Variants in ADH6 observed in about 807,000 individuals in gnomAD.
ADH6 encodes the protein alcohol dehydrogenase 6 (class V).
ADH6 carries 34 observed loss-of-function variants against 36.5 expected under a neutral mutation model. The observed-to-expected ratio is 0.93, with a 90% CI of 0.71 to 1.24. The LOEUF is 1.24. Ranked by LOEUF, ADH6 falls within the 50% of genes most tolerant of loss-of-function variation. ADH6 has a pLI of 0.00. For synonymous variants in ADH6, 161 were observed against 155.5 expected, an observed-to-expected ratio of 1.04 and a Z score of -0.26; for missense variants, 440 against 447.0, an observed-to-expected ratio of 0.98 and a Z score of 0.14.
At chr4:99,214,722 G>A (rs1731341824) in intron 2 of ADH6, among the ~76,000 whole-genome samples, 3 of 152,078 alleles carry the variant, frequency 2.0e-5, no homozygotes. Flanking sequence ...ACATTCACAT[G>A]CACATACTCC....
chr4:99,217,087 G>C (rs532073591), intron 1 of ADH6, among the ~76,000 whole-genome samples: 4 of 152,116 alleles, frequency 2.6e-5, no homozygotes, highest in Non-Finnish European at 5.9e-5. Flanking sequence ...CCAGGCTGGA[G>C]TGCAGTAGCA....
At chr4:99,217,238 G>T (rs921962999) in intron 1 of ADH6, among the ~76,000 whole-genome samples, 1 of 152,072 alleles carries the variant, frequency 6.6e-6, no homozygotes, top group South Asian at 2.1e-4. Context: ...GGGTTTCACT[G>T]TGTTAGCCAG....
At position 99,203,892 on chromosome 4, in the gene ADH6, T is replaced by C; in HGVS notation, c.*327A>G. ...GAGAGAGACATATAGTGTACAAGAA[T>C]ATAAAGGTCCACAGGTAGAGGAACT... On this transcript the variant is annotated 3_prime_UTR_variant, in exon 9 of 9. Coordinates refer to ENST00000394899, the MANE Select transcript of ADH6 (RefSeq NM_001102470.2). 3.7e-6 allele frequency: 1 copy of C among 270,782 alleles called. No individual in the cohort carries two copies. Among genetic ancestry groups the C allele is most frequent in the Non-Finnish European group, 6.9e-6 (1 of 145,742 alleles). The allele number at this position is 270,782 out of a possible 1,614,324, so 16.8% of individuals were successfully genotyped here.
chr4:99,213,528 T>A, intron 3 of ADH6, 78 bp downstream of exon 3: 3 of 1,337,064 alleles, frequency 2.2e-6, no homozygotes, highest in Non-Finnish European at 3.0e-6. Context: ...GATCCTGACA[T>A]ACTTAAGGGG....
In ADH6 at chr4:99,208,664, A is replaced by G; in HGVS notation, c.828+4T>C. ...GGTAATTTTCACTCCAGAGGATTAC[A>G]TACCAGAACGTCCAGATTTCCAATG... is the stretch of plus-strand genomic sequence containing the variant. On this transcript the variant is annotated splice_donor_region_variant and intron_variant, in intron 6 of 8. Transcript: ENST00000394899. The G allele has an allele frequency of 6.2e-7, 1 of 1,611,544 alleles. No homozygotes were observed. The highest frequency in any genetic ancestry group is 8.5e-7 in the Non-Finnish European group (1 of 1,178,710).
intron 1 of ADH6, 61 bp from the exon 2 acceptor site, chr4:99,216,323 G>A: frequency 2.9e-6 from 3 of 1,027,242 alleles, no homozygotes; most frequent in Non-Finnish European, 4.2e-6. Flanking sequence ...TTGGAAGATT[G>A]CTATATTAGT....
At chr4:99,209,691 C>A (rs1477720390) in intron 5 of ADH6, among the ~76,000 whole-genome samples, 1 of 152,050 alleles carries the variant, frequency 6.6e-6, no homozygotes, top group Non-Finnish European at 1.5e-5. Flanking sequence ...ATAATATTAG[C>A]TTCATGAGTT....
At chr4:99,218,711 C>A (rs1384946633) in intron 1 of ADH6, among the ~76,000 whole-genome samples, 1 of 152,206 alleles carries the variant, frequency 6.6e-6, no homozygotes, top group Non-Finnish European at 1.5e-5. Context: ...TTCTCCTTTA[C>A]CTGGTGAATT....
At position 99,213,460 on chromosome 4, in the gene ADH6, A is replaced by T; in HGVS notation, c.262+146T>A. 3 of 652,746 alleles carry T rather than the reference A, an allele frequency of 4.6e-6. No homozygotes were observed. The South Asian group carries it at 1.2e-4, about 26-fold the overall frequency. The allele number at this position is 652,746 out of a possible 1,614,324, so 40.4% of individuals were successfully genotyped here. A position where few individuals can be genotyped will look rare whatever the true frequency, so the allele number is the denominator to read the frequency against. ...ATATTTAGTATTTTATGTAACTTAC[A>T]AGTAATTTATCCCTACTTTTCTAAG... On this transcript the variant is annotated intron_variant, in intron 3 of 8. Coordinates refer to ENST00000394899, the MANE Select transcript of ADH6 (RefSeq NM_001102470.2).
At position 99,203,889 on chromosome 4, in the gene ADH6, G is replaced by A. The variant is rs748800245; in HGVS notation, c.*330C>T. Reference sequence around the variant, plus strand: ...TGTGAGAGAGACATATAGTGTACAAGAATATAAAGGTCCACAGGTAGAGGA... The same window carrying A: ...TGTGAGAGAGACATATAGTGTACAAAAATATAAAGGTCCACAGGTAGAGGA... On this transcript the variant is annotated 3_prime_UTR_variant, in exon 9 of 9. Coordinates refer to ENST00000394899, the MANE Select transcript of ADH6 (RefSeq NM_001102470.2). 2 of 260,174 alleles carry A rather than the reference G, an allele frequency of 7.7e-6. No homozygotes were observed. The highest frequency in any genetic ancestry group is 1.4e-5 in the Non-Finnish European group (2 of 139,178). The allele number at this position is 260,174 out of a possible 1,614,324, so 16.1% of individuals were successfully genotyped here.
At chr4:99,210,024 G>C in intron 5 of ADH6, 58 bp downstream of exon 5, 1 of 1,528,084 alleles carries the variant, frequency 6.5e-7, no homozygotes, top group Non-Finnish European at 9.0e-7. Context: ...AGATGCAAGA[G>C]GCCTTTCAAC....
chr4:99,216,273 G>C lies in ADH6; in HGVS notation c.19-11C>G, dbSNP rs1215818813. ...TTTGCATCTGATGACCTGGGAAATAGAATACAGGGGCAGAAAGAGAAGCTC... is the reference window on the plus strand; with the variant it reads ...TTTGCATCTGATGACCTGGGAAATACAATACAGGGGCAGAAAGAGAAGCTC... On this transcript the variant is annotated splice_polypyrimidine_tract_variant and intron_variant, in intron 1 of 8. Transcript: ENST00000394899. 6.6e-7 allele frequency: 1 copy of C among 1,526,180 alleles called. No homozygotes were observed. The highest frequency in any genetic ancestry group is 2.0e-5 in the Admixed American group (1 of 49,888). 94.5% of individuals were successfully genotyped at this position (1,526,180 alleles called of 1,614,324 possible).
In ADH6 at chr4:99,203,104, C is replaced by G. The variant is rs1730912373; in HGVS notation, c.*1115G>C. On this transcript the variant is annotated 3_prime_UTR_variant, in exon 9 of 9. Coordinates refer to ENST00000394899, the MANE Select transcript of ADH6 (RefSeq NM_001102470.2). Reference sequence around the variant, plus strand: ...TTTGTTTAGATCAAAAAATGATATTCCATTTTTTGGTCTCCCAAGGTCATC... The same window carrying G: ...TTTGTTTAGATCAAAAAATGATATTGCATTTTTTGGTCTCCCAAGGTCATC... 2 of 258,522 alleles carry G rather than the reference C, an allele frequency of 7.7e-6. No homozygotes were observed. Among genetic ancestry groups the G allele is most frequent in the Admixed American group, 5.4e-5 (1 of 18,560 alleles). 16.0% of individuals were successfully genotyped at this position (258,522 alleles called of 1,614,324 possible). A position where few individuals can be genotyped will look rare whatever the true frequency, so the allele number is the denominator to read the frequency against.
chr4:99,208,206 A>G (rs959060159), intron 6 of ADH6, among the ~76,000 whole-genome samples: 1 of 152,140 alleles, frequency 6.6e-6, no homozygotes, highest in Non-Finnish European at 1.5e-5. Context: ...CAAATCCCCA[A>G]AGAAAACAAG....
At chr4:99,206,350 T>C (rs1311353857) in intron 7 of ADH6, among the ~76,000 whole-genome samples, 1 of 152,118 alleles carries the variant, frequency 6.6e-6, no homozygotes, top group Non-Finnish European at 1.5e-5. Flanking sequence ...ATATGAGTGC[T>C]AGAGTGGCCA....
Position 99,208,705 on chromosome 4 carries a change from T to C in ADH6, c.791A>G (p.Asp264Gly). 6.2e-7 allele frequency: 1 copy of C among 1,613,802 alleles called. No individual in the cohort carries two copies. The highest frequency in any genetic ancestry group is 8.5e-7 in the Non-Finnish European group (1 of 1,179,764). The change falls in exon 6 of 9, where the codon GAC becomes GGC. Residue 264 changes from aspartate (D) to glycine (G), a missense_variant. Asp to Gly is a moderately conservative substitution (Grantham distance 94). Transcript: ENST00000394899. The stretch of plus-strand genomic sequence containing the variant: ...ATTTCCAATGGCCTCAAAGCAGAAG[T>C]CTATACCAGCATCTGTCATATCAAA... ...VLFDMTDAGI[D>G]FCFEAIGNLD...
chr4:99,204,322 T>G, intron 8 of ADH6, 79 bp from the exon 9 acceptor site: 6 of 1,568,050 alleles, frequency 3.8e-6, no homozygotes, highest in Non-Finnish European at 5.1e-6. Context: ...ATTCTCACTT[T>G]GTAGAGCAGT....
chr4:99,207,460 C>T lies in ADH6; in HGVS notation c.950G>A (p.Gly317Asp), dbSNP rs1731074257. The change falls in exon 7 of 9, where the codon GGT becomes GAT. Residue 317 changes from glycine to aspartate, a missense_variant. Coordinates refer to ENST00000394899, the MANE Select transcript of ADH6 (RefSeq NM_001102470.2). Reference protein sequence around the residue: ...QLFFSGRSLKGSVFGGWKSRQ... With the variant: ...QLFFSGRSLKDSVFGGWKSRQ... Reference sequence around the variant, plus strand: ...TTCATCCATACCTCCAAAAACAGAACCCTTCAAAGAACGTCCTGAGAAGAA... The same window carrying T: ...TTCATCCATACCTCCAAAAACAGAATCCTTCAAAGAACGTCCTGAGAAGAA... 1.2e-6 allele frequency: 2 copies of T among 1,613,410 alleles called. No individual in the cohort carries two copies. Among genetic ancestry groups the T allele is most frequent in the Non-Finnish European group, 1.7e-6 (2 of 1,179,528 alleles).
chr4:99,213,603 T>C lies in ADH6; in HGVS notation c.262+3A>G, dbSNP rs1433091058. 3 of 1,599,692 alleles carry C rather than the reference T, an allele frequency of 1.9e-6. No homozygotes were observed. The South Asian group carries it at 3.4e-5, about 18-fold the overall frequency. ...TTTCCTATTACCAGGTGCTAATTCC[T>C]ACCTGGTTTCACTGTGCTTACTCCT... is the stretch of plus-strand genomic sequence containing the variant. On this transcript the variant is annotated splice_donor_region_variant and intron_variant, in intron 3 of 8. Coordinates refer to ENST00000394899, the MANE Select transcript of ADH6 (RefSeq NM_001102470.2).
Sources: gnomAD v4.1 joint callset for allele counts (sites outside exome capture counted in the v4.1 genomes callset) on GRCh38, gnomAD v4.1.1 for gene constraint, MANE v1.5 for transcripts, NCBI Gene and HGNC (gene_info 2026-07-23, HGNC 2026-07-21) for gene names.